The following NSF variants were observed in gnomAD, a reference collection of about 807,000 sequenced individuals.
NSF encodes N-ethylmaleimide sensitive factor, vesicle fusing ATPase.
In NSF, 14 loss-of-function variants were observed where a neutral mutation model predicts 50.3. That is an observed-to-expected ratio of 0.28 (90% CI 0.18 to 0.44). The LOEUF (loss-of-function observed/expected upper bound fraction) is 0.44. Ranked by LOEUF, NSF falls within the 20% of genes least tolerant of loss-of-function variation. The pLI, the probability that NSF is intolerant of heterozygous loss-of-function variation, is 1.00. For synonymous variants in NSF, 109 were observed against 175.7 expected (o/e 0.62, Z 3.00); for missense variants, 218 against 504.3 (o/e 0.43, Z 5.44).
intron 9 of NSF, among the ~76,000 whole-genome samples, chr17:46,687,301 C>G (rs2058501728): frequency 7.2e-6 from 1 of 139,508 alleles, no homozygotes; most frequent in South Asian, 2.4e-4. Flanking sequence ...TCTTGCTATC[C>G]TTTTTTATTC....
Position 46,605,995 on chromosome 17 carries a change from C to CAA in NSF, c.12+15241_12+15242dup, listed in dbSNP as rs59118188. ...AGAAACCTCGTCTCTACTAAAAATA[C>CAA]AAAAAAAAAAAAAAAAAAAAAAAAA... On this transcript the variant is annotated intron_variant, in intron 1 of 20. Transcript: ENST00000398238. 3.1e-4 allele frequency among the ~76,000 whole-genome samples: 16 copies of CAA among 51,052 alleles called. 1 individual carries two copies. The highest frequency in any genetic ancestry group is 1.6e-3 in the Admixed American group (4 of 2,460). 33.5% of individuals were successfully genotyped at this position (51,052 alleles called of 152,430 possible).
intron 15 of NSF, among the ~76,000 whole-genome samples, chr17:46,725,383 G>A (rs936451905): frequency 6.6e-6 from 1 of 152,066 alleles, no homozygotes; most frequent in Non-Finnish European, 1.5e-5. Context: ...GTAATTAGGG[G>A]GTAAAGGGAT....
chr17:46,744,182 T>C (rs2059105473), intron 17 of NSF, among the ~76,000 whole-genome samples: 1 of 152,210 alleles, frequency 6.6e-6, no homozygotes, highest in Non-Finnish European at 1.5e-5. Flanking sequence ...CCCAGCTAAG[T>C]TGTAACTTAT....
Position 46,750,040 on chromosome 17 carries a change from G to A in NSF, c.2043+133G>A, listed in dbSNP as rs570782212. 146 of 980,504 alleles carry A rather than the reference G, an allele frequency of 1.5e-4. 1 individual carries two copies. In the African/African-American group the frequency reaches 2.2e-3, roughly 15 times the overall value. The allele number at this position is 980,504 out of a possible 1,614,324, so 60.7% of individuals were successfully genotyped here. On this transcript the variant is annotated intron_variant, in intron 18 of 20. Transcript: ENST00000398238. ...ATGGGACCCGGGGATATTACAGGTT[G>A]TATATACCTTATCCAAAATGCCTGG... is the stretch of plus-strand genomic sequence containing the variant.
chr17:46,621,069 T>C (rs1188100894), intron 1 of NSF, among the ~76,000 whole-genome samples: 4 of 102,244 alleles, frequency 3.9e-5, no homozygotes, highest in South Asian at 1.0e-3. Context: ...CTGCATTCAA[T>C]TCTGGGCGAC....
At chr17:46,736,421 C>T (rs1366309765) in intron 17 of NSF, among the ~76,000 whole-genome samples, 1 of 152,206 alleles carries the variant, frequency 6.6e-6, no homozygotes, top group East Asian at 1.9e-4. Flanking sequence ...GTCCCAGAAA[C>T]AAGAATGCAG....
In NSF at chr17:46,749,907, G is replaced by A. The variant is rs1434423040; in HGVS notation, c.2043G>A (p.Glu681=). The A allele has an allele frequency of 8.1e-6, 13 of 1,613,134 alleles. No individual in the cohort carries two copies. Among genetic ancestry groups the A allele is most frequent in the Non-Finnish European group, 1.1e-5 (13 of 1,179,634 alleles). The change falls in exon 18 of 21, where the codon GAG becomes GAA. Residue 681 remains glutamate, a splice_region_variant and synonymous_variant. Coordinates refer to ENST00000398238, the MANE Select transcript of NSF (RefSeq NM_006178.4). ...GAGAGCAGCTGTTGGAAGCTTTGGA[G>A]GTAAAAATGAGTCAATGGATTGCAC... ...ATGEQLLEAL[E]LLGNFKDKER...
chr17:46,743,176 C>T (rs1050748738), intron 17 of NSF, among the ~76,000 whole-genome samples: 1 of 152,150 alleles, frequency 6.6e-6, no homozygotes, highest in Non-Finnish European at 1.5e-5. Flanking sequence ...CTCTCATCTT[C>T]CCTAACCCAG....
chr17:46,638,589 C>T (rs2058204353), intron 5 of NSF, among the ~76,000 whole-genome samples: 1 of 119,412 alleles, frequency 8.4e-6, no homozygotes, highest in Non-Finnish European at 1.6e-5. Flanking sequence ...GTTAATCAGG[C>T]TAGTCTCGAA....
chr17:46,741,448 A>AG (rs2059071108), intron 17 of NSF, among the ~76,000 whole-genome samples: 1 of 152,162 alleles, frequency 6.6e-6, no homozygotes, highest in Non-Finnish European at 1.5e-5. Flanking sequence ...CAGCACCATG[A>AG]GGATGGTTAC....
At chr17:46,609,775 G>A (rs1356854318) in intron 1 of NSF, among the ~76,000 whole-genome samples, 1 of 143,306 alleles carries the variant, frequency 7.0e-6, no homozygotes, top group Non-Finnish European at 1.6e-5. Flanking sequence ...ATGCAGCATT[G>A]AAGATGTGCA....
At position 46,748,307 on chromosome 17, in the gene NSF, C is replaced by T. The variant is rs573354681; in HGVS notation, c.1909-1466C>T. Reference sequence around the variant, plus strand: ...TGTATTTTTAGTAGAGATGGGGTTTCGCCATGTTGGTCAGGCTGGTCTCAA... The same window carrying T: ...TGTATTTTTAGTAGAGATGGGGTTTTGCCATGTTGGTCAGGCTGGTCTCAA... On this transcript the variant is annotated intron_variant, in intron 17 of 20. Transcript: ENST00000398238. Among the ~76,000 whole-genome samples the T allele has an allele frequency of 2.5e-4, 38 of 152,140 alleles. 1 individual carries two copies. Among genetic ancestry groups the T allele is most frequent in the Admixed American group, 1.5e-3 (23 of 15,274 alleles).
At chr17:46,754,442 G>T (rs2059214147) in intron 19 of NSF, among the ~76,000 whole-genome samples, 1 of 152,172 alleles carries the variant, frequency 6.6e-6, no homozygotes, top group African/African-American at 2.4e-5. Context: ...AGGGCAGGGA[G>T]TTCCCTCTTG....
Position 46,755,383 on chromosome 17 carries a change from A to G in NSF, c.2213+14A>G. On this transcript the variant is annotated intron_variant, in intron 20 of 20. Transcript: ENST00000398238. ...AGAAGAAGGAGCGTAAGTACATACAACATTTAATGACCATCAACCAAACTT... is the reference window on the plus strand; with the variant it reads ...AGAAGAAGGAGCGTAAGTACATACAGCATTTAATGACCATCAACCAAACTT... The G allele has an allele frequency of 6.2e-7, 1 of 1,606,734 alleles. No individual in the cohort carries two copies. The highest frequency in any genetic ancestry group is 2.2e-5 in the East Asian group (1 of 44,848).
chr17:46,736,710 T>C (rs1202484441), intron 17 of NSF, among the ~76,000 whole-genome samples: 1 of 152,272 alleles, frequency 6.6e-6, no homozygotes, highest in African/African-American at 2.4e-5. Flanking sequence ...AATTTGCTGC[T>C]AACCACTAGG....
chr17:46,742,359 T>C (rs1202905316), intron 17 of NSF, among the ~76,000 whole-genome samples: 1 of 152,240 alleles, frequency 6.6e-6, no homozygotes, highest in African/African-American at 2.4e-5. Flanking sequence ...CTGCTACCCT[T>C]GAAAGCTATA....
chr17:46,732,588 A>G (rs1285115903), intron 17 of NSF, among the ~76,000 whole-genome samples: 1 of 152,182 alleles, frequency 6.6e-6, no homozygotes, highest in Non-Finnish European at 1.5e-5. Flanking sequence ...TGCAGAGTTA[A>G]TTTCATGATT....
At chr17:46,746,821 A>C (rs928034540) in intron 17 of NSF, among the ~76,000 whole-genome samples, 1 of 152,188 alleles carries the variant, frequency 6.6e-6, no homozygotes, top group African/African-American at 2.4e-5. Flanking sequence ...TCATCAGTAA[A>C]ATGGGGATAG....
intron 17 of NSF, among the ~76,000 whole-genome samples, chr17:46,729,865 T>A (rs938139960): frequency 2.0e-5 from 3 of 152,196 alleles, no homozygotes; most frequent in Non-Finnish European, 4.4e-5. Flanking sequence ...GAGTTTTTTT[T>A]TAACTTCTAA....
Sources: allele counts gnomAD v4.1 joint callset (sites outside exome capture counted in the v4.1 genomes callset), GRCh38; gene constraint gnomAD v4.1.1; transcripts MANE v1.5; gene names NCBI Gene and HGNC (gene_info 2026-07-23, HGNC 2026-07-21).